The following RUBCN variants were observed in gnomAD, a reference collection of about 807,000 sequenced individuals.
The protein encoded by RUBCN is run domain Beclin-1-interacting and cysteine-rich domain-containing protein.
In RUBCN, 74 loss-of-function variants were observed where a neutral mutation model predicts 113.2. The observed-to-expected ratio is 0.65, with a 90% CI of 0.54 to 0.79. The LOEUF is 0.79. Ranked by LOEUF, RUBCN falls within the 30% of genes least tolerant of loss-of-function variation. RUBCN has a pLI of 0.00. For missense variants in RUBCN, 1,109 were observed against 1,251.7 expected (o/e 0.89, Z 1.72); for synonymous variants, 480 against 490.0 (o/e 0.98, Z 0.27).
chr3:197,692,072 A>G (rs1722483565), intron 11 of RUBCN, among the ~76,000 whole-genome samples: 2 of 151,956 alleles, frequency 1.3e-5, no homozygotes, highest in Non-Finnish European at 2.9e-5. Flanking sequence ...TATCGAAAGA[A>G]CCAACCACGT....
At chr3:197,684,699 CAT>C (rs1023793633) in intron 11 of RUBCN, among the ~76,000 whole-genome samples, 4 of 150,776 alleles carry the variant, frequency 2.7e-5, no homozygotes, top group African/African-American at 7.4e-5. Flanking sequence ...CATATATATA[CAT>C]ATATACGCAC....
intron 11 of RUBCN, among the ~76,000 whole-genome samples, chr3:197,686,733 A>T (rs1268498219): frequency 6.6e-6 from 1 of 152,250 alleles, no homozygotes; most frequent in Non-Finnish European, 1.5e-5. Context: ...GACACTCAGC[A>T]TCCAAGTGGA....
At chr3:197,690,407 C>T (rs1722296311) in intron 11 of RUBCN, among the ~76,000 whole-genome samples, 1 of 152,322 alleles carries the variant, frequency 6.6e-6, no homozygotes, top group South Asian at 2.1e-4. Context: ...CATTGCACTC[C>T]AGCATGGGCA....
At position 197,693,708 on chromosome 3, in the gene RUBCN, T is replaced by G. The variant is rs1307793681; in HGVS notation, c.1786+7A>C. ...AAGTTCCCTTGTAACAAAGTGTCAC[T>G]TCTTACCTTGGATTTCAAATTCATC... On this transcript the variant is annotated splice_region_variant and intron_variant, in intron 11 of 19. Coordinates refer to ENST00000296343, the MANE Select transcript of RUBCN (RefSeq NM_014687.4). The G allele has an allele frequency of 6.3e-7, 1 of 1,593,650 alleles. No individual in the cohort carries two copies. The highest frequency in any genetic ancestry group is 1.1e-5 in the South Asian group (1 of 90,698).
chr3:197,670,138 C>A lies in RUBCN; in HGVS notation c.*4880G>T, dbSNP rs1719647494. On this transcript the variant is annotated 3_prime_UTR_variant, in exon 20 of 20. Coordinates refer to ENST00000296343, the MANE Select transcript of RUBCN (RefSeq NM_014687.4). ...TCTTGACCTCGTGATCCGCCCGCCT[C>A]GGCCTCCCAAAGTGCTGGGATTACA... Among the ~76,000 whole-genome samples, 1 of 152,198 alleles carries A rather than the reference C, an allele frequency of 6.6e-6. No individual in the cohort carries two copies. The highest frequency in any genetic ancestry group is 2.4e-5 in the African/African-American group (1 of 41,456).
chr3:197,681,216 G>C lies in RUBCN; in HGVS notation c.2343C>G (p.Leu781=), dbSNP rs951051063. ...YYVSNFSKDL[L]IKIWNDPLFN... ...AGAGAGGATCATTCCAGATCTTAATGAGCAGGTCCTTGGAGAAGTTGCTGA... is the reference window on the plus strand; with the variant it reads ...AGAGAGGATCATTCCAGATCTTAATCAGCAGGTCCTTGGAGAAGTTGCTGA... Residue 781 remains leucine, a synonymous_variant, in exon 16 of 20, where the codon CTC becomes CTG. Coordinates refer to ENST00000296343, the MANE Select transcript of RUBCN (RefSeq NM_014687.4). The surrounding 1 kb of genome is among the most constrained non-coding windows in gnomAD (Gnocchi z 5.5). 5 of 1,614,030 alleles carry C rather than the reference G, an allele frequency of 3.1e-6. No individual in the cohort carries two copies. Among genetic ancestry groups the C allele is most frequent in the Non-Finnish European group, 4.2e-6 (5 of 1,180,006 alleles).
At chr3:197,722,638 C>T (rs1249477997) in intron 1 of RUBCN, among the ~76,000 whole-genome samples, 1 of 150,596 alleles carries the variant, frequency 6.6e-6, no homozygotes, top group Non-Finnish European at 1.5e-5. Flanking sequence ...AACATGGGAG[C>T]ACCTTAATAT....
rs79702572 is a variant in RUBCN at position 197,744,703 on chromosome 3, G to A, written c.-116+4566C>T. On this transcript the variant is annotated intron_variant, in intron 1 of 20. Coordinates refer to the RUBCN transcript ENST00000273582. ...TACAAATAAAAAACAGTTATGCTAT[G>A]TGAAATAATCCAGTTAAAAAGTATA... is the stretch of plus-strand genomic sequence containing the variant. 3.8e-3 allele frequency among the ~76,000 whole-genome samples: 581 copies of A among 152,254 alleles called. 32 individuals are homozygous for A. In the East Asian group the frequency reaches 0.097, roughly 26 times the overall value.
At chr3:197,684,018 C>T (rs979840113) in intron 12 of RUBCN, 139 bp downstream of exon 12, 73 of 681,690 alleles carry the variant, frequency 1.1e-4, no homozygotes, top group Non-Finnish European at 1.2e-4. Flanking sequence ...GGCTCGGCAC[C>T]ATCAGCAAGC....
At chr3:197,724,350 A>C (rs1458197218) in intron 1 of RUBCN, among the ~76,000 whole-genome samples, 3 of 150,520 alleles carry the variant, frequency 2.0e-5, no homozygotes, top group Non-Finnish European at 4.4e-5. Flanking sequence ...ACATAACTAA[A>C]ACATAATCAC....
chr3:197,677,075 C>T (rs1403845657), intron 17 of RUBCN, 37 bp from the exon 18 acceptor site: 1 of 1,590,954 alleles, frequency 6.3e-7, no homozygotes, highest in South Asian at 1.1e-5. Context: ...AGGGAATGAA[C>T]AGTGCATGTG....
chr3:197,742,127 C>A (rs1336697931), intron 1 of RUBCN, among the ~76,000 whole-genome samples: 1 of 151,930 alleles, frequency 6.6e-6, no homozygotes, highest in African/African-American at 2.4e-5. Flanking sequence ...GATCTCCTGA[C>A]CTCATGATCT....
At position 197,694,529 on chromosome 3, in the gene RUBCN, C is replaced by T. The variant is rs375842322; in HGVS notation, c.1530G>A (p.Lys510=). 24 of 1,614,102 alleles carry T rather than the reference C, an allele frequency of 1.5e-5. No individual in the cohort carries two copies. In the African/African-American group the frequency reaches 2.8e-4, roughly 19 times the overall value. Residue 510 remains lysine, a synonymous_variant, in exon 10 of 20, where the codon AAG becomes AAA. Transcript: ENST00000296343. ...ESLIAAIELM[K]CNMMSQCLEE... is the part of the protein sequence containing the mutation. ...CTAGGCACTGGCTCATCATGTTGCA[C>T]TTCATTAGCTCGATGGCAGCAATTA... is the stretch of plus-strand genomic sequence containing the variant.
intron 16 of RUBCN, among the ~76,000 whole-genome samples, chr3:197,679,036 C>T (rs1720848008): frequency 6.6e-6 from 1 of 151,688 alleles, no homozygotes; most frequent in Non-Finnish European, 1.5e-5. Context: ...TACGCTCTGA[C>T]AACTGGCTCC....
At chr3:197,680,174 C>G (rs1203307679) in intron 16 of RUBCN, among the ~76,000 whole-genome samples, 1 of 113,740 alleles carries the variant, frequency 8.8e-6, no homozygotes, top group Non-Finnish European at 1.8e-5. Flanking sequence ...GCTCTGACAA[C>G]TGGCTCCAGA....
intron 1 of RUBCN, among the ~76,000 whole-genome samples, chr3:197,720,925 G>A (rs910837647): frequency 6.6e-6 from 1 of 152,090 alleles, no homozygotes; most frequent in Non-Finnish European, 1.5e-5. Context: ...ATTCCCACCA[G>A]CAGCGTGTAA....
chr3:197,686,442 G>A (rs112074846), intron 11 of RUBCN, among the ~76,000 whole-genome samples: 131 of 152,312 alleles, frequency 8.6e-4, no homozygotes, highest in African/African-American at 3.0e-3. Context: ...CTCTGACCCC[G>A]GACTGGAGGG....
At chr3:197,697,273 A>G (rs750924276) in intron 7 of RUBCN, among the ~76,000 whole-genome samples, 2 of 152,184 alleles carry the variant, frequency 1.3e-5, no homozygotes, top group Non-Finnish European at 2.9e-5. Context: ...GTGATCCAGA[A>G]TGGGGCAACA....
chr3:197,700,137 C>T (rs970182891), intron 7 of RUBCN, among the ~76,000 whole-genome samples: 9 of 152,204 alleles, frequency 5.9e-5, no homozygotes, highest in Non-Finnish European at 1.2e-4. Context: ...CCCACCGACT[C>T]AGTTGCTGGA....
Sources: gnomAD v4.1 joint callset for allele counts (sites outside exome capture counted in the v4.1 genomes callset) on GRCh38, gnomAD v4.1.1 for gene constraint, Gnocchi (gnomAD v3.1) non-coding constraint, MANE v1.5 for transcripts, NCBI Gene and HGNC (gene_info 2026-07-23, HGNC 2026-07-21) for gene names.